Variants in SLC7A11 observed in about 807,000 individuals in gnomAD.
SLC7A11 encodes the protein cystine/glutamate transporter.
A neutral mutation model predicts 54.5 loss-of-function variants in SLC7A11; 35 were observed. That is an observed-to-expected ratio of 0.64 (90% CI 0.49 to 0.85). The LOEUF (loss-of-function observed/expected upper bound fraction) is 0.85. Ranked by LOEUF, SLC7A11 falls within the 40% of genes least tolerant of loss-of-function variation. SLC7A11 has a pLI of 0.00. For synonymous variants in SLC7A11, 230 were observed against 225.2 expected (o/e 1.02, Z -0.19); for missense variants, 583 against 618.1 (o/e 0.94, Z 0.60).
intron 7 of SLC7A11, 89 bp downstream of exon 7, chr4:138,185,030 TCA>T: frequency 6.9e-7 from 1 of 1,445,444 alleles, no homozygotes; most frequent in Non-Finnish European, 9.7e-7. Context: ...TTACTGAATT[TCA>T]AAACACTTTC....
chr4:138,236,966 T>C (rs1354017237), intron 1 of SLC7A11, among the ~76,000 whole-genome samples: 2 of 150,370 alleles, frequency 1.3e-5, no homozygotes, highest in African/African-American at 4.9e-5. Context: ...CCATGGACTC[T>C]CTGACTTGCA....
intron 3 of SLC7A11, among the ~76,000 whole-genome samples, chr4:138,228,555 G>A (rs1222039043): frequency 2.0e-5 from 3 of 151,836 alleles, no homozygotes; most frequent in Middle Eastern, 3.4e-3. Flanking sequence ...TCAGGAGATC[G>A]AGACCATCCT....
rs1396893618 is a variant in SLC7A11, at chr4:138,171,990, A to G, written c.1472T>C (p.Ile491Thr). 6.3e-7 allele frequency: 1 copy of G among 1,598,650 alleles called. No individual in the cohort carries two copies. Among genetic ancestry groups the G allele is most frequent in the African/African-American group, 1.4e-5 (1 of 74,050 alleles). The change falls in exon 12 of 12, where the codon ATA becomes ACA. Residue 491 changes from isoleucine (I) to threonine (T), a missense_variant. Transcript: ENST00000280612. ...ATCTTCTTCTGGTACAACTTCCAGT[A>G]TTATTTGTAATGTTCTGGTTATTTT... Reference protein sequence around the residue: ...SEKITRTLQIILEVVPEEDKL With the variant: ...SEKITRTLQITLEVVPEEDKL
Position 138,233,503 on chromosome 4 carries a change from T to C in SLC7A11, c.405-1121A>G, listed in dbSNP as rs371142372. Among the ~76,000 whole-genome samples the C allele has an allele frequency of 1.8e-3, 274 of 152,234 alleles. 2 individuals are homozygous for C. The highest frequency in any genetic ancestry group is 6.1e-3 in the African/African-American group (253 of 41,552). ...CCGGCAGCAATTATCTAATTTCTTA[T>C]GCCAAACTTCCTTTTTAGCTTCTCT... On this transcript the variant is annotated intron_variant, in intron 2 of 11. Transcript: ENST00000280612.
At chr4:138,199,810 T>C (rs1245453045) in intron 6 of SLC7A11, among the ~76,000 whole-genome samples, 1 of 152,170 alleles carries the variant, frequency 6.6e-6, no homozygotes, top group Admixed American at 6.6e-5. Flanking sequence ...GTCCACGTTG[T>C]GACTTGGCAT....
At chr4:138,179,096 A>G in intron 11 of SLC7A11, 121 bp downstream of exon 11, 1 of 664,196 alleles carries the variant, frequency 1.5e-6, no homozygotes, top group Non-Finnish European at 2.5e-6. Context: ...AAAATGCCAT[A>G]ATGTTCTCAA....
At chr4:138,188,882 T>C (rs778606285) in intron 6 of SLC7A11, among the ~76,000 whole-genome samples, 3 of 152,218 alleles carry the variant, frequency 2.0e-5, no homozygotes, top group Non-Finnish European at 4.4e-5. Context: ...TGTTAGTACA[T>C]GTTTGTTATG....
rs1225213557 is a variant in SLC7A11 at position 138,223,221 on chromosome 4, A to C, written c.624T>G (p.Pro208=). ...KLTAILIIIV[P]GVMQLIKGQT... is the part of the protein sequence containing the mutation. Reference sequence around the variant, plus strand: ...TACCTTTAATTAGCTGCATAACTCCAGGGACTATAATTATCAGAATTGCTG... The same window carrying C: ...TACCTTTAATTAGCTGCATAACTCCCGGGACTATAATTATCAGAATTGCTG... The change falls in exon 4 of 12, where the codon CCT becomes CCG. Residue 208 remains proline (P), a synonymous_variant. Transcript: ENST00000280612. 2 of 1,613,550 alleles carry C rather than the reference A, an allele frequency of 1.2e-6. No individual in the cohort carries two copies. Among genetic ancestry groups the C allele is most frequent in the South Asian group, 2.2e-5 (2 of 91,064 alleles).
At chr4:138,233,147 T>C (rs1369266104) in intron 2 of SLC7A11, among the ~76,000 whole-genome samples, 1 of 151,986 alleles carries the variant, frequency 6.6e-6, no homozygotes, top group African/African-American at 2.4e-5. Flanking sequence ...TGAATGCATA[T>C]TTTTTCCATA....
intron 6 of SLC7A11, among the ~76,000 whole-genome samples, chr4:138,206,064 G>A (rs1259657719): frequency 1.3e-5 from 2 of 151,982 alleles, no homozygotes; most frequent in Non-Finnish European, 2.9e-5. Flanking sequence ...TATATTAACA[G>A]TGAGTTTCTC....
chr4:138,184,975 C>A, intron 7 of SLC7A11, 146 bp downstream of exon 7: 3 of 782,054 alleles, frequency 3.8e-6, no homozygotes, highest in East Asian at 5.4e-5. Context: ...CTAAGGTATG[C>A]TCTAAATTTT....
rs1430132923 is a variant in SLC7A11 at position 138,166,077 on chromosome 4, A to C, written c.*5879T>G. ...GGGAACAATCTGTTTCATTCTTCAA[A>C]GTATGTTTGTACTTTGGAATGAAGG... On this transcript the variant is annotated 3_prime_UTR_variant, in exon 12 of 12. Transcript: ENST00000280612. 1 of 152,136 alleles carries C rather than the reference A, an allele frequency of 6.6e-6. No individual in the cohort carries two copies. Among genetic ancestry groups the C allele is most frequent in the East Asian group, 1.9e-4 (1 of 5,192 alleles). The allele number at this position is 152,136 out of a possible 1,614,324, so 9.4% of individuals were successfully genotyped here. A position where few individuals can be genotyped will look rare whatever the true frequency, so the allele number is the denominator to read the frequency against.
chr4:138,175,003 T>C (rs1252656395), intron 11 of SLC7A11, among the ~76,000 whole-genome samples: 1 of 152,136 alleles, frequency 6.6e-6, no homozygotes, highest in African/African-American at 2.4e-5. Context: ...ATAAGAATAA[T>C]AGTATTTTTT....
In SLC7A11 at chr4:138,242,203, G is replaced by A; in HGVS notation, c.-134C>T. The A allele has an allele frequency of 1.9e-6, 2 of 1,026,728 alleles. No individual in the cohort carries two copies. The highest frequency in any genetic ancestry group is 2.8e-6 in the Non-Finnish European group (2 of 717,294). The allele number at this position is 1,026,728 out of a possible 1,614,324, so 63.6% of individuals were successfully genotyped here. On this transcript the variant is annotated 5_prime_UTR_variant, in exon 1 of 12. Transcript: ENST00000280612. ...CTCTCTCAGCGCTATAGTGTTCACA[G>A]GTGAAAACTCAAAGGTGTGCTTTTT...
At chr4:138,220,705 AGATTACCCAAAT>A in intron 4 of SLC7A11, among the ~76,000 whole-genome samples, 1 of 152,338 alleles carries the variant, frequency 6.6e-6, no homozygotes, top group East Asian at 1.9e-4. Flanking sequence ...ATAGCAAATG[AGATTACCCAAAT>A]GGGAAGTGAG....
intron 5 of SLC7A11, among the ~76,000 whole-genome samples, chr4:138,215,402 G>A (rs915377552): frequency 6.6e-6 from 1 of 152,064 alleles, no homozygotes; most frequent in Admixed American, 6.6e-5. Context: ...TATACTTTAA[G>A]TATCTCACCA....
intron 6 of SLC7A11, among the ~76,000 whole-genome samples, chr4:138,198,672 C>G (rs1156615704): frequency 6.6e-6 from 1 of 152,088 alleles, no homozygotes. Flanking sequence ...CACAGCAATT[C>G]TCTTCTAGCA....
Position 138,170,802 on chromosome 4 carries a change from T to C in SLC7A11, c.*1154A>G, listed in dbSNP as rs1299274297. 1 of 152,194 alleles carries C rather than the reference T, an allele frequency of 6.6e-6. No individual in the cohort carries two copies. Among genetic ancestry groups the C allele is most frequent in the Non-Finnish European group, 1.5e-5 (1 of 68,030 alleles). The allele number at this position is 152,194 out of a possible 1,614,324, so 9.4% of individuals were successfully genotyped here. On this transcript the variant is annotated 3_prime_UTR_variant, in exon 12 of 12. Coordinates refer to ENST00000280612, the MANE Select transcript of SLC7A11 (RefSeq NM_014331.4). ...TTCTAGAAACATCAGTTGTAAATCT[T>C]ATTTACAGCGACATTTCTTTTGCAA...
Position 138,169,385 on chromosome 4 carries a change from A to G in SLC7A11, c.*2571T>C, listed in dbSNP as rs1231138822. The G allele has an allele frequency of 1.3e-5, 2 of 152,112 alleles. No individual in the cohort carries two copies. Among genetic ancestry groups the G allele is most frequent in the African/African-American group, 4.8e-5 (2 of 41,444 alleles). 9.4% of individuals were successfully genotyped at this position (152,112 alleles called of 1,614,324 possible). On this transcript the variant is annotated 3_prime_UTR_variant, in exon 12 of 12. Coordinates refer to ENST00000280612, the MANE Select transcript of SLC7A11 (RefSeq NM_014331.4). Reference sequence around the variant, plus strand: ...TAAAAATAAGCCAAAATACTACTTAATCTCCATCACTTTTTTTCTTAATTA... The same window carrying G: ...TAAAAATAAGCCAAAATACTACTTAGTCTCCATCACTTTTTTTCTTAATTA...
Sources: allele counts gnomAD v4.1 joint callset (sites outside exome capture counted in the v4.1 genomes callset), GRCh38; gene constraint gnomAD v4.1.1; transcripts MANE v1.5; gene names NCBI Gene and HGNC (gene_info 2026-07-23, HGNC 2026-07-21).